SMPDL3A: variants seen among roughly 807,000 people sequenced by gnomAD.
SMPDL3A encodes the protein sphingomyelin phosphodiesterase acid like 3A, also known as cyclic GMP-AMP phosphodiesterase SMPDL3A.
SMPDL3A carries 39 observed loss-of-function variants against 38.5 expected under a neutral mutation model. The ratio of observed to expected loss-of-function variants is 1.01; its 90% CI spans 0.78 to 1.32. The LOEUF (loss-of-function observed/expected upper bound fraction) is 1.32, where lower values mean the gene tolerates loss of function less well. Among genes scored for constraint, SMPDL3A ranks in the 40% most tolerant of loss-of-function variants. The pLI is 0.00. For missense variants in SMPDL3A, 502 were observed against 536.2 expected (o/e 0.94, Z 0.63); for synonymous variants, 180 against 194.3 (o/e 0.93, Z 0.61).
Position 122,806,356 on chromosome 6 carries a change from T to C in SMPDL3A, c.1043T>C (p.Leu348Ser), listed in dbSNP as rs761197021. ...TATGATCCTCGTGATTATAAATTAT[T>C]GGTAAGTTGGCAGATTTCAGAGCTG... The part of the protein sequence containing the change: ...FQYDPRDYKL[L>S]DMLQYYLNLT... Residue 348 changes from leucine (L) to serine (S), a missense_variant and splice_region_variant, in exon 7 of 8, where the codon TTG (leucine) becomes TCG (serine). Leu to Ser is a moderately radical substitution (Grantham distance 145, BLOSUM62 -2). Transcript: ENST00000368440. 1.2e-6 allele frequency: 2 copies of C among 1,602,294 alleles called. No individual in the cohort carries two copies. The highest frequency in any genetic ancestry group is 4.5e-5 in the East Asian group (2 of 44,702).
chr6:122,808,742 C>T (rs987540639), intron 7 of SMPDL3A, among the ~76,000 whole-genome samples: 3 of 150,896 alleles, frequency 2.0e-5, no homozygotes, highest in Non-Finnish European at 3.0e-5. Flanking sequence ...GGCGCAATCT[C>T]GCAATCCCGG....
intron 7 of SMPDL3A, among the ~76,000 whole-genome samples, chr6:122,807,116 G>A (rs1016409480): frequency 8.4e-4 from 127 of 151,768 alleles, no homozygotes; most frequent in African/African-American, 3.0e-3. Flanking sequence ...GCCCAGGCTG[G>A]TCTTGAACTC....
At chr6:122,804,170 C>T (rs1408607228) in intron 5 of SMPDL3A, among the ~76,000 whole-genome samples, 3 of 151,552 alleles carry the variant, frequency 2.0e-5, no homozygotes, top group Admixed American at 6.6e-5. Flanking sequence ...GTATTTTTAG[C>T]AGAGACGGGG....
chr6:122,804,029 C>T (rs1781516389), intron 5 of SMPDL3A, among the ~76,000 whole-genome samples, 196 bp downstream of exon 5: 1 of 151,094 alleles, frequency 6.6e-6, no homozygotes, highest in East Asian at 1.9e-4. Flanking sequence ...ACTCTGTTGC[C>T]CAGGCTGGAG....
chr6:122,795,820 C>G lies in SMPDL3A; in HGVS notation c.256C>G (p.Gln86Glu). The change falls in exon 2 of 8, where the codon CAA becomes GAA. Residue 86 changes from glutamine (Q) to glutamate (E), a missense_variant. Coordinates refer to ENST00000368440, the MANE Select transcript of SMPDL3A (RefSeq NM_006714.5). ...AGATGTTCTGTGTGATTCTCCATAT[C>G]AACTTATTTTGTCAGCATTTGATTT... ...FGDVLCDSPY[Q>E]LILSAFDFIK... 1 of 1,614,074 alleles carries G rather than the reference C, an allele frequency of 6.2e-7. No homozygotes were observed. Among genetic ancestry groups the G allele is most frequent in the Non-Finnish European group, 8.5e-7 (1 of 1,179,980 alleles).
intron 7 of SMPDL3A, among the ~76,000 whole-genome samples, chr6:122,808,268 G>A (rs1192480695): frequency 2.6e-5 from 4 of 152,116 alleles, no homozygotes; most frequent in Non-Finnish European, 5.9e-5. Flanking sequence ...TATTCACTGA[G>A]GGGAAATGTG....
rs1781779591 is a variant in SMPDL3A, at chr6:122,809,521, T to C, written c.*113T>C. 1.4e-6 allele frequency: 1 copy of C among 727,750 alleles called. No individual in the cohort carries two copies. The allele number at this position is 727,750 out of a possible 1,614,324, so 45.1% of individuals were successfully genotyped here. ...GAGTGGGCAAGTAGACTTCCTGTCT[T>C]TGCTTTCTTTTTTTTTTTCTTTTTG... On this transcript the variant is annotated 3_prime_UTR_variant, in exon 8 of 8. Coordinates refer to ENST00000368440, the MANE Select transcript of SMPDL3A (RefSeq NM_006714.5).
chr6:122,802,832 A>G (rs1193167086), intron 4 of SMPDL3A, among the ~76,000 whole-genome samples: 1 of 152,150 alleles, frequency 6.6e-6, no homozygotes, highest in East Asian at 1.9e-4. Context: ...GTCTTGCATG[A>G]GGGGCCTCAA....
Position 122,803,667 on chromosome 6 carries a change from G to T in SMPDL3A, c.572G>T (p.Gly191Val). The T allele has an allele frequency of 6.2e-7, 1 of 1,610,040 alleles. No homozygotes were observed. Reference sequence around the variant, plus strand: ...TGTTTTAAAATTGTTTTTATAGGTGGTTTTTATTCACAGAAAGTTACAACT... The same window carrying T: ...TGTTTTAAAATTGTTTTTATAGGTGTTTTTTATTCACAGAAAGTTACAACT... ...EEAISTLRKG[G>V]FYSQKVTTNP... Residue 191 changes from glycine (G) to valine (V), a missense_variant, in exon 5 of 8, where the codon GGT becomes GTT. Coordinates refer to ENST00000368440, the MANE Select transcript of SMPDL3A (RefSeq NM_006714.5).
chr6:122,789,554 C>T (rs1008928236), intron 1 of SMPDL3A, 96 bp downstream of exon 1: 4 of 1,137,936 alleles, frequency 3.5e-6, no homozygotes, highest in South Asian at 1.4e-5. Flanking sequence ...GGCAGCTGCC[C>T]CCGGCAGAGG....
intron 1 of SMPDL3A, among the ~76,000 whole-genome samples, chr6:122,794,647 G>A (rs1781185497): frequency 6.6e-6 from 1 of 151,974 alleles, no homozygotes; most frequent in Non-Finnish European, 1.5e-5. Context: ...TCCAAGTAAG[G>A]GTGCTATCAA....
At chr6:122,795,958 T>C (rs1261395161) in intron 2 of SMPDL3A, 68 bp downstream of exon 2, 10 of 1,131,982 alleles carry the variant, frequency 8.8e-6, no homozygotes, top group Non-Finnish European at 1.0e-5. Context: ...TTCATAAGAG[T>C]GCTGAATTCC....
At chr6:122,790,133 A>G (rs1279427386) in intron 1 of SMPDL3A, among the ~76,000 whole-genome samples, 4 of 152,160 alleles carry the variant, frequency 2.6e-5, no homozygotes, top group Admixed American at 1.3e-4. Context: ...TGCCCGTTAC[A>G]GTAGTGATTC....
At chr6:122,790,367 C>A (rs1781038692) in intron 1 of SMPDL3A, among the ~76,000 whole-genome samples, 1 of 152,166 alleles carries the variant, frequency 6.6e-6, no homozygotes, top group Admixed American at 6.5e-5. Context: ...GCCATCCGAG[C>A]CTCCAGTTCC....
At position 122,803,662 on chromosome 6, in the gene SMPDL3A, A is replaced by G; in HGVS notation, c.569-2A>G. On this transcript the variant is annotated splice_acceptor_variant, in intron 4 of 7. Transcript: ENST00000368440. LOFTEE classifies it high-confidence loss of function. ...AAATGTGTTTTAAAATTGTTTTTATAGGTGGTTTTTATTCACAGAAAGTTA... is the reference window on the plus strand; with the variant it reads ...AAATGTGTTTTAAAATTGTTTTTATGGGTGGTTTTTATTCACAGAAAGTTA... The G allele has an allele frequency of 6.2e-7, 1 of 1,607,254 alleles. No individual in the cohort carries two copies. Among genetic ancestry groups the G allele is most frequent in the East Asian group, 2.2e-5 (1 of 44,816 alleles).
At position 122,789,258 on chromosome 6, in the gene SMPDL3A, G is replaced by C; in HGVS notation, c.-89G>C. The C allele has an allele frequency of 1.1e-6, 1 of 905,890 alleles. No homozygotes were observed. Among genetic ancestry groups the C allele is most frequent in the South Asian group, 1.7e-5 (1 of 60,030 alleles). 56.1% of individuals were successfully genotyped at this position (905,890 alleles called of 1,614,324 possible). Reference sequence around the variant, plus strand: ...CAGTCGGACGTCTACACCCGCAGCCGTCTTCTGTCTCCGCCTCACCCTCAG... The same window carrying C: ...CAGTCGGACGTCTACACCCGCAGCCCTCTTCTGTCTCCGCCTCACCCTCAG... On this transcript the variant is annotated 5_prime_UTR_variant, in exon 1 of 8. Transcript: ENST00000368440.
chr6:122,795,437 C>A (rs148198771), intron 1 of SMPDL3A, among the ~76,000 whole-genome samples: 1,556 of 152,130 alleles, frequency 0.01, 21 homozygotes, highest in African/African-American at 0.036. Context: ...GCCACCGCGC[C>A]CGGCCTGAGC....
At chr6:122,805,990 A>G (rs192147784) in intron 6 of SMPDL3A, among the ~76,000 whole-genome samples, 174 of 152,322 alleles carry the variant, frequency 1.1e-3, no homozygotes, top group Admixed American at 2.4e-3. Flanking sequence ...GCTAAAATAT[A>G]TGGATAATTT....
chr6:122,792,621 T>C (rs1159029132), intron 1 of SMPDL3A, among the ~76,000 whole-genome samples: 1 of 150,818 alleles, frequency 6.6e-6, no homozygotes, highest in Non-Finnish European at 1.5e-5. Flanking sequence ...TTATCTGTTT[T>C]CTTTCTTCTT....
Sources: allele counts gnomAD v4.1 joint callset (sites outside exome capture counted in the v4.1 genomes callset), GRCh38; gene constraint gnomAD v4.1.1; transcripts MANE v1.5; gene names NCBI Gene and HGNC (gene_info 2026-07-23, HGNC 2026-07-21).